Variants in XKR9 observed in about 807,000 individuals in gnomAD.
XKR9 encodes XK-related protein 9.
XKR9 carries 32 observed loss-of-function variants against 32.0 expected under a neutral mutation model. The ratio of observed to expected loss-of-function variants is 1.00; its 90% CI spans 0.76 to 1.34. XKR9 has a LOEUF of 1.34. Among genes scored for constraint, XKR9 ranks in the 40% most tolerant of loss-of-function variants. The pLI, the probability that XKR9 is intolerant of heterozygous loss-of-function variation, is 0.00. For synonymous variants in XKR9, 168 were observed against 143.4 expected, an observed-to-expected ratio of 1.17 and a Z score of -1.22; for missense variants, 546 against 429.7, an observed-to-expected ratio of 1.27 and a Z score of -2.39.
At chr8:70,709,773 A>G (rs1341556160) in intron 4 of XKR9, among the ~76,000 whole-genome samples, 1 of 152,232 alleles carries the variant, frequency 6.6e-6, no homozygotes, top group Admixed American at 6.5e-5. Context: ...AATGAGAATT[A>G]CAAAACACTG....
the XKR9 span, among the ~76,000 whole-genome samples, chr8:70,957,476 C>T: frequency 5.3e-5 from 8 of 152,152 alleles, no homozygotes. Context: ...CAGATTATCA[C>T]ATCGCCTAGG....
At chr8:70,738,470 T>G (rs1390517863), downstream of XKR9, among the ~76,000 whole-genome samples, 1 of 149,448 alleles carries the variant, frequency 6.7e-6, no homozygotes, top group Non-Finnish European at 1.5e-5. Flanking sequence ...TCTATTTCCT[T>G]CAGTTCTGGT....
intron 3 of XKR9, among the ~76,000 whole-genome samples, chr8:70,706,532 T>G (rs62530792): frequency 0.4 from 61,136 of 151,938 alleles, 13,875 homozygotes; most frequent in Non-Finnish European, 0.52. Context: ...TAGTGGTTAA[T>G]ACTAGAAATA....
chr8:70,926,827 G>C, the XKR9 span, among the ~76,000 whole-genome samples: 2 of 152,140 alleles, frequency 1.3e-5, no homozygotes, highest in East Asian at 3.9e-4. Context: ...TAGACTAGGA[G>C]TCAGGCGACC....
At chr8:70,750,679 G>T (rs1274446454) in intron 2 of XKR9, among the ~76,000 whole-genome samples, 1 of 151,790 alleles carries the variant, frequency 6.6e-6, no homozygotes, top group Non-Finnish European at 1.5e-5. Flanking sequence ...AAAATTCAAT[G>T]GTTTTTAGCC....
At chr8:70,815,934 A>T in the XKR9 span, among the ~76,000 whole-genome samples, 2 of 152,274 alleles carry the variant, frequency 1.3e-5, no homozygotes, top group Non-Finnish European at 2.9e-5. Flanking sequence ...TGCCATTATG[A>T]ATAGTGCTGC....
At chr8:70,854,920 C>T in the XKR9 span, among the ~76,000 whole-genome samples, 23 of 152,056 alleles carry the variant, frequency 1.5e-4, no homozygotes, top group South Asian at 1.5e-3. Flanking sequence ...TTTTGGTTAC[C>T]GTAGCCTTGT....
At chr8:70,827,694 C>CA in the XKR9 span, among the ~76,000 whole-genome samples, 1 of 151,826 alleles carries the variant, frequency 6.6e-6, no homozygotes, top group East Asian at 1.9e-4. Flanking sequence ...TGCAAAATGC[C>CA]AAAAATCTCT....
intron 4 of XKR9, among the ~76,000 whole-genome samples, chr8:70,725,731 C>A (rs577182613): frequency 6.6e-6 from 1 of 152,068 alleles, no homozygotes; most frequent in Non-Finnish European, 1.5e-5. Flanking sequence ...CATTGTGAAA[C>A]CCTGTCTCTA....
chr8:70,976,768 G>T, the XKR9 span, among the ~76,000 whole-genome samples: 1 of 152,120 alleles, frequency 6.6e-6, no homozygotes, highest in African/African-American at 2.4e-5. Flanking sequence ...TTTTTCTATT[G>T]ATTGGAATAA....
the XKR9 span, among the ~76,000 whole-genome samples, chr8:70,997,946 G>A: frequency 6.6e-6 from 1 of 152,094 alleles, no homozygotes; most frequent in Non-Finnish European, 1.5e-5. Flanking sequence ...TAGGCCATTT[G>A]GTGAGCAGAA....
the XKR9 span, among the ~76,000 whole-genome samples, chr8:70,982,514 G>A: frequency 6.6e-6 from 1 of 152,112 alleles, no homozygotes; most frequent in Non-Finnish European, 1.5e-5. Context: ...ACAGCCCCCA[G>A]TCCTAAAGGT....
At chr8:70,887,619 T>A in the XKR9 span, among the ~76,000 whole-genome samples, 2 of 152,130 alleles carry the variant, frequency 1.3e-5, no homozygotes, top group Non-Finnish European at 2.9e-5. Flanking sequence ...GGTTTGTAGT[T>A]CTCCTTGAAG....
chr8:70,884,907 T>C, the XKR9 span, among the ~76,000 whole-genome samples: 3 of 152,220 alleles, frequency 2.0e-5, no homozygotes, highest in African/African-American at 4.8e-5. Flanking sequence ...TGTTGATACC[T>C]ACAAAATAGT....
chr8:70,900,366 G>A, the XKR9 span, among the ~76,000 whole-genome samples: 1 of 152,066 alleles, frequency 6.6e-6, no homozygotes, highest in Non-Finnish European at 1.5e-5. Flanking sequence ...GAGGTGGGTC[G>A]ATCACTTGAG....
chr8:70,850,447 C>T, the XKR9 span, among the ~76,000 whole-genome samples: 1 of 118,390 alleles, frequency 8.4e-6, no homozygotes, highest in Non-Finnish European at 1.6e-5. Context: ...CCTGGTGACA[C>T]AGCAAGACTC....
At chr8:70,795,733 C>T in the XKR9 span, among the ~76,000 whole-genome samples, 1 of 151,950 alleles carries the variant, frequency 6.6e-6, no homozygotes, top group Non-Finnish European at 1.5e-5. Flanking sequence ...CTAATGATCA[C>T]TGATGTTGAG....
the XKR9 span, among the ~76,000 whole-genome samples, chr8:71,044,641 A>C: frequency 6.6e-6 from 1 of 152,230 alleles, no homozygotes; most frequent in Non-Finnish European, 1.5e-5. Flanking sequence ...ATTAAACTTT[A>C]AAAAATAGTA....
At chr8:70,873,101 A>G in the XKR9 span, among the ~76,000 whole-genome samples, 3 of 152,234 alleles carry the variant, frequency 2.0e-5, no homozygotes, top group East Asian at 1.9e-4. Flanking sequence ...TGTTTACAGC[A>G]TAGTTTACTG....
Sources: gnomAD v4.1 joint callset for allele counts (sites outside exome capture counted in the v4.1 genomes callset) on GRCh38, gnomAD v4.1.1 for gene constraint, MANE v1.5 for transcripts, NCBI Gene and HGNC (gene_info 2026-07-23, HGNC 2026-07-21) for gene names.